ZNF567: variants seen among roughly 807,000 people sequenced by gnomAD.
The protein encoded by ZNF567 is zinc finger protein 567.
ZNF567 carries 36 observed loss-of-function variants against 53.9 expected under a neutral mutation model. The observed-to-expected ratio is 0.67, with a 90% CI of 0.51 to 0.88. The LOEUF is 0.88. Among genes scored for constraint, ZNF567 ranks in the 40% least tolerant of loss-of-function variants. ZNF567 has a pLI of 0.00. For missense variants in ZNF567, 619 were observed against 764.7 expected (o/e 0.81, Z 2.25); for synonymous variants, 224 against 260.4 (o/e 0.86, Z 1.35).
At chr19:36,714,824 G>A (rs1446563577) in intron 5 of ZNF567, among the ~76,000 whole-genome samples, 2 of 152,074 alleles carry the variant, frequency 1.3e-5, no homozygotes, top group East Asian at 3.9e-4. Context: ...TTACCACTGT[G>A]GCCATATCAC....
At chr19:36,671,064 T>C in the ZNF567 span, among the ~76,000 whole-genome samples, 1 of 152,196 alleles carries the variant, frequency 6.6e-6, no homozygotes, top group African/African-American at 2.4e-5. Flanking sequence ...ATCGCACCAC[T>C]GCACTCCAGC....
the ZNF567 span, among the ~76,000 whole-genome samples, chr19:36,669,609 T>TG: frequency 6.6e-6 from 1 of 152,192 alleles, no homozygotes; most frequent in African/African-American, 2.4e-5. Flanking sequence ...GTAACCAACC[T>TG]GCCACCAGAG....
the ZNF567 span, among the ~76,000 whole-genome samples, chr19:36,682,003 A>G: frequency 2.0e-5 from 3 of 152,084 alleles, no homozygotes; most frequent in African/African-American, 7.2e-5. Context: ...GGTGGGTGCT[A>G]TGGCTCACAC....
intron 2 of ZNF567, among the ~76,000 whole-genome samples, chr19:36,692,632 T>C (rs2038677029): frequency 6.6e-6 from 1 of 152,140 alleles, no homozygotes; most frequent in Non-Finnish European, 1.5e-5. Flanking sequence ...TGCCTTGTGC[T>C]CCCAAAGTGA....
the ZNF567 span, among the ~76,000 whole-genome samples, chr19:36,679,912 T>G: frequency 6.6e-6 from 1 of 152,174 alleles, no homozygotes; most frequent in Admixed American, 6.5e-5. Context: ...TCTGCTGTTC[T>G]TTTGTCCAAC....
chr19:36,722,123 T>C (rs1484770568), downstream of ZNF567, among the ~76,000 whole-genome samples: 1 of 152,108 alleles, frequency 6.6e-6, no homozygotes, highest in Non-Finnish European at 1.5e-5. Flanking sequence ...GAGATTTTGA[T>C]GTTTGAGAAT....
At chr19:36,708,384 GGCTT>G in intron 3 of ZNF567, among the ~76,000 whole-genome samples, 1 of 152,112 alleles carries the variant, frequency 6.6e-6, no homozygotes, top group East Asian at 1.9e-4. Context: ...ATCCTTTTGA[GGCTT>G]GCTTTTAAGT....
At chr19:36,704,090 G>C (rs904243555) in intron 3 of ZNF567, among the ~76,000 whole-genome samples, 12 of 152,154 alleles carry the variant, frequency 7.9e-5, no homozygotes, top group African/African-American at 2.9e-4. Flanking sequence ...TTAAATGATT[G>C]AAGACATTCC....
chr19:36,723,164 A>G, downstream of ZNF567: 1 of 702,916 alleles, frequency 1.4e-6, no homozygotes. Context: ...ATGACCAAAG[A>G]TGGAAGCCTA....
the ZNF567 span, among the ~76,000 whole-genome samples, chr19:36,669,767 C>T: frequency 6.6e-6 from 1 of 152,138 alleles, no homozygotes. Flanking sequence ...CCTGGCCTCC[C>T]CTTTGTTCAA....
upstream of ZNF567, among the ~76,000 whole-genome samples, chr19:36,683,537 T>TA (rs1286384232): frequency 6.6e-6 from 1 of 152,148 alleles, no homozygotes; most frequent in Non-Finnish European, 1.5e-5. Context: ...TTGGTGGATT[T>TA]AAAAGACTAA....
intron 2 of ZNF567, among the ~76,000 whole-genome samples, chr19:36,694,459 G>A (rs1372780380): frequency 1.3e-5 from 2 of 152,148 alleles, no homozygotes; most frequent in Non-Finnish European, 2.9e-5. Flanking sequence ...TGGAATGACA[G>A]GTATTCTCAT....
downstream of ZNF567, chr19:36,727,012 T>TTTCTTTCTTTCTTTCTTTCTTTCC (rs1555809313): frequency 1.6e-5 from 2 of 125,616 alleles, no homozygotes; most frequent in African/African-American, 3.3e-5. Context: ...CTTTCTTTCC[T>TTTCTTTCTTTCTTTCTTTCTTTCC]TTTTTTTTTT....
chr19:36,723,804 T>C (rs1233961107), downstream of ZNF567, among the ~76,000 whole-genome samples: 1 of 151,992 alleles, frequency 6.6e-6, no homozygotes, highest in African/African-American at 2.4e-5. Flanking sequence ...ATTGCACGCC[T>C]GCCTGGCCAA....
At chr19:36,690,942 C>A (rs1346001770) in intron 2 of ZNF567, among the ~76,000 whole-genome samples, 1 of 152,142 alleles carries the variant, frequency 6.6e-6, no homozygotes, top group Non-Finnish European at 1.5e-5. Flanking sequence ...CTACCTCACT[C>A]AGGGTTTTTG....
intron 5 of ZNF567, among the ~76,000 whole-genome samples, chr19:36,713,867 G>A (rs929201149): frequency 4.6e-5 from 7 of 151,696 alleles, no homozygotes; most frequent in Non-Finnish European, 1.0e-4. Context: ...CCCGGTAGGC[G>A]GAGGTTCCGG....
At chr19:36,712,741 T>A in intron 4 of ZNF567, 40 bp from the exon 5 acceptor site, 1 of 1,584,262 alleles carries the variant, frequency 6.3e-7, no homozygotes, top group Non-Finnish European at 8.7e-7. Context: ...TTCAGTGGTA[T>A]TATAGCCCAA....
rs1227427555 is a variant in ZNF567, at chr19:36,706,953, C to T, written c.10-5433C>T. Among the ~76,000 whole-genome samples, 32 of 152,078 alleles carry T rather than the reference C, an allele frequency of 2.1e-4. 1 individual carries two copies. The highest frequency in any genetic ancestry group is 2.1e-3 in the Admixed American group (32 of 15,268). ...TATAGGTGTGAGCCACTGCACCTTG[C>T]CCATCCTTTATACTTTTATTTACCT... On this transcript the variant is annotated intron_variant, in intron 3 of 5. Transcript: ENST00000682579.
intron 3 of ZNF567, among the ~76,000 whole-genome samples, chr19:36,702,798 GT>G (rs1338920747): frequency 6.6e-6 from 1 of 152,146 alleles, no homozygotes; most frequent in African/African-American, 2.4e-5. Flanking sequence ...GCACTTCTCT[GT>G]GTTGGTTATT....
Sources: allele counts gnomAD v4.1 joint callset (sites outside exome capture counted in the v4.1 genomes callset), GRCh38; gene constraint gnomAD v4.1.1; transcripts MANE v1.5; gene names NCBI Gene and HGNC (gene_info 2026-07-23, HGNC 2026-07-21).